The following MGAT5B variants were observed in gnomAD, a reference collection of about 807,000 sequenced individuals.
The protein encoded by MGAT5B is N-acetylglucosaminyl-transferase Vb.
A neutral mutation model predicts 95.1 loss-of-function variants in MGAT5B; 54 were observed. The ratio of observed to expected loss-of-function variants is 0.57; its 90% CI spans 0.46 to 0.71. MGAT5B has a LOEUF of 0.71. Among genes scored for constraint, MGAT5B ranks in the 30% least tolerant of loss-of-function variants. The pLI is 0.00. For synonymous variants in MGAT5B, 464 were observed against 451.0 expected, an observed-to-expected ratio of 1.03 and a Z score of -0.36; for missense variants, 935 against 1,088.6, an observed-to-expected ratio of 0.86 and a Z score of 1.99.
chr17:76,926,831 T>C, intron 10 of MGAT5B, 101 bp downstream of exon 10: 1 of 1,438,742 alleles, frequency 7.0e-7, no homozygotes, highest in Non-Finnish European at 9.5e-7. Flanking sequence ...CTCTCTTTCC[T>C]TCTCCAGCCA....
At chr17:76,883,863 G>A (rs979871299) in intron 3 of MGAT5B, among the ~76,000 whole-genome samples, 5 of 152,216 alleles carry the variant, frequency 3.3e-5, no homozygotes, top group Admixed American at 6.5e-5. Context: ...CACTGTGCCC[G>A]TGGGAGGGTT....
In MGAT5B at chr17:76,872,589, G is replaced by T. The variant is rs979050358; in HGVS notation, c.69-262G>T. The T allele has an allele frequency of 3.6e-6, 5 of 1,387,010 alleles. No individual in the cohort carries two copies. The East Asian group carries it at 1.3e-4, about 35-fold the overall frequency. The allele number at this position is 1,387,010 out of a possible 1,614,324, so 85.9% of individuals were successfully genotyped here. ...CAGCTCTGCCTGGAGGCTAGAGCCC[G>T]CCTGCCTCATGCCTAAGTGTGCGTC... On this transcript the variant is annotated intron_variant, in intron 1 of 17. Coordinates refer to ENST00000569840, the MANE Select transcript of MGAT5B (RefSeq NM_001199172.2).
rs1260285070 is a variant in MGAT5B at position 76,918,287 on chromosome 17, G to T, written c.1026-6679G>T. ...CCAGACTGTGCCTCCATCTGCCTTT[G>T]GACTCCCTTTTCCTCTGAGCCAGGG... On this transcript the variant is annotated intron_variant, in intron 8 of 17. Coordinates refer to ENST00000569840, the MANE Select transcript of MGAT5B (RefSeq NM_001199172.2). The surrounding 1 kb of genome is among the most constrained non-coding windows in gnomAD (Gnocchi z 5.1). Among the ~76,000 whole-genome samples, 1 of 152,054 alleles carries T rather than the reference G, an allele frequency of 6.6e-6. No individual in the cohort carries two copies. Among genetic ancestry groups the T allele is most frequent in the Non-Finnish European group, 1.5e-5 (1 of 68,000 alleles).
At chr17:76,921,001 G>A (rs368982895) in intron 8 of MGAT5B, among the ~76,000 whole-genome samples, 43 of 152,332 alleles carry the variant, frequency 2.8e-4, no homozygotes, top group African/African-American at 1.0e-3. Flanking sequence ...CCTCAAAGGG[G>A]CCTCCAGGTG....
rs117196507 is a variant in MGAT5B at position 76,917,337 on chromosome 17, C to T, written c.1026-7629C>T. Among the ~76,000 whole-genome samples the T allele has an allele frequency of 5.4e-4, 82 of 152,090 alleles. 2 individuals are homozygous for T. In the East Asian group the frequency reaches 0.014, roughly 26 times the overall value. ...CTGGCTTCACTTTCTTGTTGGGTCT[C>T]GGGGGTGCCTTCCCACAGCAGGTAT... On this transcript the variant is annotated intron_variant, in intron 8 of 17. Transcript: ENST00000569840. This position sits in a 1 kb window ranked among gnomAD's most constrained non-coding sequence, Gnocchi z 6.1.
chr17:76,869,063 G>A lies in MGAT5B; in HGVS notation c.34G>A (p.Val12Ile), dbSNP rs1317406791. ...CGTCAACCCCGATGGGAAGATAATG[G>A]TCAGAAGATGCCTGGTCACCCTGAG... ...ITVNPDGKIM[V>I]RRCLVTLRPF... The change falls in exon 1 of 18, where the codon GTC (valine) becomes ATC (isoleucine). Residue 12 changes from valine (V) to isoleucine (I), a missense_variant. Coordinates refer to ENST00000569840, the MANE Select transcript of MGAT5B (RefSeq NM_001199172.2). This position sits in a 1 kb window ranked among gnomAD's most constrained non-coding sequence, Gnocchi z 7.0. 1.2e-6 allele frequency: 2 copies of A among 1,614,116 alleles called. No individual in the cohort carries two copies. The highest frequency in any genetic ancestry group is 1.7e-6 in the Non-Finnish European group (2 of 1,179,988).
Position 76,881,331 on chromosome 17 carries a change from C to T in MGAT5B, c.182-820C>T, listed in dbSNP as rs138272607. ...GGCTGGGAGCAGAGGGAAGAGCAGC[C>T]GCCTCAGCCCCAGGGAACCTGCCCT... On this transcript the variant is annotated intron_variant, in intron 2 of 17. Coordinates refer to ENST00000569840, the MANE Select transcript of MGAT5B (RefSeq NM_001199172.2). Among the ~76,000 whole-genome samples the T allele has an allele frequency of 3.0e-3, 456 of 152,304 alleles. 7 individuals carry two copies. The highest frequency in any genetic ancestry group is 0.01 in the African/African-American group (427 of 41,564).
chr17:76,874,591 C>T (rs574977978), intron 2 of MGAT5B, among the ~76,000 whole-genome samples: 2 of 152,168 alleles, frequency 1.3e-5, no homozygotes, highest in South Asian at 4.2e-4. Flanking sequence ...GAAGTTGAAC[C>T]TCCAGAAAGG....
intron 8 of MGAT5B, among the ~76,000 whole-genome samples, chr17:76,922,837 G>C (rs567322324): frequency 1.3e-5 from 2 of 152,328 alleles, no homozygotes; most frequent in Admixed American, 6.5e-5. Context: ...ATGGTGATTA[G>C]GTTTTCACAT....
chr17:76,914,150 G>A lies in MGAT5B; in HGVS notation c.1025+7963G>A. ...AAGAAAGAAGGAAAGAAGGAAGGAAGGAGAGAGAGAAAGAAAGAGAATTTG... is the reference window on the plus strand; with the variant it reads ...AAGAAAGAAGGAAAGAAGGAAGGAAAGAGAGAGAGAAAGAAAGAGAATTTG... On this transcript the variant is annotated intron_variant, in intron 8 of 17. Transcript: ENST00000569840. This position sits in a 1 kb window ranked among gnomAD's most constrained non-coding sequence, Gnocchi z 5.1. 1.8e-5 allele frequency: 3 copies of A among 170,872 alleles called. No homozygotes were observed. Among genetic ancestry groups the A allele is most frequent in the Non-Finnish European group, 3.8e-5 (3 of 79,534 alleles). The allele number at this position is 170,872 out of a possible 1,614,324, so 10.6% of individuals were successfully genotyped here.
rs1968508306 is a variant in MGAT5B, at chr17:76,905,924, C to T, written c.856-94C>T. On this transcript the variant is annotated intron_variant, in intron 7 of 17. Coordinates refer to ENST00000569840, the MANE Select transcript of MGAT5B (RefSeq NM_001199172.2). This position sits in a 1 kb window ranked among gnomAD's most constrained non-coding sequence, Gnocchi z 4.2. ...CTGGGGCCCAGCCTGGAGACAGGGTCTGCTGCCGGCTGGTCTCCTGGCCGG... is the reference window on the plus strand; with the variant it reads ...CTGGGGCCCAGCCTGGAGACAGGGTTTGCTGCCGGCTGGTCTCCTGGCCGG... The T allele has an allele frequency of 5.1e-6, 7 of 1,371,538 alleles. No individual in the cohort carries two copies. Among genetic ancestry groups the T allele is most frequent in the Non-Finnish European group, 6.8e-6 (7 of 1,023,568 alleles). 85.0% of individuals were successfully genotyped at this position (1,371,538 alleles called of 1,614,324 possible). A position where few individuals can be genotyped will look rare whatever the true frequency, so the allele number is the denominator to read the frequency against.
chr17:76,888,189 C>G (rs1318262783), intron 3 of MGAT5B, among the ~76,000 whole-genome samples: 1 of 152,134 alleles, frequency 6.6e-6, no homozygotes, highest in Non-Finnish European at 1.5e-5. Context: ...TCTGCTCTCA[C>G]TTGGGGAGGG....
intron 5 of MGAT5B, 119 bp downstream of exon 5, chr17:76,903,495 C>A: frequency 1.6e-6 from 1 of 639,044 alleles, no homozygotes; most frequent in Non-Finnish European, 2.6e-6. Context: ...CTTCTCTGCT[C>A]AGTGCATCCA....
intron 15 of MGAT5B, among the ~76,000 whole-genome samples, chr17:76,942,762 C>T (rs1969901656): frequency 6.6e-6 from 1 of 152,154 alleles, no homozygotes; most frequent in Non-Finnish European, 1.5e-5. Context: ...GGGAAGCTGG[C>T]AACAAGGCGT....
At chr17:76,908,039 G>A (rs2145199430) in intron 8 of MGAT5B, among the ~76,000 whole-genome samples, 1 of 152,258 alleles carries the variant, frequency 6.6e-6, no homozygotes, top group Middle Eastern at 3.4e-3. Flanking sequence ...AGTTGTAAGA[G>A]CTCTTTATAT....
chr17:76,945,299 T>C (rs1969998641), intron 15 of MGAT5B, among the ~76,000 whole-genome samples: 1 of 152,156 alleles, frequency 6.6e-6, no homozygotes, highest in South Asian at 2.1e-4. Flanking sequence ...TATTTATTTA[T>C]TTATTTTTGA....
rs1431962472 is a variant in MGAT5B, at chr17:76,918,277, A to G, written c.1026-6689A>G. Among the ~76,000 whole-genome samples the G allele has an allele frequency of 6.6e-6, 1 of 151,916 alleles. No individual in the cohort carries two copies. Among genetic ancestry groups the G allele is most frequent in the Non-Finnish European group, 1.5e-5 (1 of 67,974 alleles). On this transcript the variant is annotated intron_variant, in intron 8 of 17. Transcript: ENST00000569840. The surrounding 1 kb of genome is among the most constrained non-coding windows in gnomAD (Gnocchi z 5.1). The stretch of plus-strand genomic sequence containing the variant: ...TAAAGAGCACCCAGACTGTGCCTCC[A>G]TCTGCCTTTGGACTCCCTTTTCCTC...
intron 15 of MGAT5B, among the ~76,000 whole-genome samples, chr17:76,945,744 G>A (rs777584350): frequency 6.6e-6 from 1 of 152,190 alleles, no homozygotes; most frequent in Non-Finnish European, 1.5e-5. Context: ...GCAGGATACA[G>A]GCAGAGCTGG....
chr17:76,943,648 C>T (rs1969938803), intron 15 of MGAT5B, among the ~76,000 whole-genome samples: 1 of 151,094 alleles, frequency 6.6e-6, no homozygotes, highest in African/African-American at 2.4e-5. Flanking sequence ...ATTTTGTTGC[C>T]CAGGCCAGTC....
Sources: allele counts gnomAD v4.1 joint callset (sites outside exome capture counted in the v4.1 genomes callset), GRCh38; gene constraint gnomAD v4.1.1; non-coding constraint Gnocchi (gnomAD v3.1); transcripts MANE v1.5; gene names NCBI Gene and HGNC (gene_info 2026-07-23, HGNC 2026-07-21).